Variants in ATE1 observed in about 807,000 individuals in gnomAD.
ATE1 encodes the protein arginyltransferase 1.
Under a neutral mutation model 70.5 loss-of-function variants are expected in ATE1, and 36 were observed. The observed-to-expected ratio is 0.51, with a 90% CI of 0.39 to 0.67. The LOEUF is 0.67. Among genes scored for constraint, ATE1 ranks in the 30% least tolerant of loss-of-function variants. ATE1 has a pLI of 0.00. For missense variants in ATE1, 593 were observed against 629.5 expected, an observed-to-expected ratio of 0.94 and a Z score of 0.62; for synonymous variants, 232 against 219.3, an observed-to-expected ratio of 1.06 and a Z score of -0.51.
At chr10:121,908,006 C>T (rs1951269730) in intron 5 of ATE1, among the ~76,000 whole-genome samples, 1 of 151,794 alleles carries the variant, frequency 6.6e-6, no homozygotes, top group African/African-American at 2.4e-5. Flanking sequence ...TAATATCATG[C>T]CAAATAGTAA....
intron 11 of ATE1, among the ~76,000 whole-genome samples, chr10:121,778,758 C>T (rs1241121314): frequency 3.3e-5 from 5 of 151,826 alleles, no homozygotes; most frequent in Admixed American, 3.3e-4. Flanking sequence ...CACACCACCA[C>T]GCCCGGCTAA....
chr10:121,907,700 T>C (rs180770917), intron 5 of ATE1, among the ~76,000 whole-genome samples: 2 of 149,224 alleles, frequency 1.3e-5, no homozygotes, highest in East Asian at 2.0e-4. Flanking sequence ...ACCCGGGAGG[T>C]AGAGCTTGCA....
chr10:121,763,750 A>T (rs1464591446), intron 11 of ATE1, among the ~76,000 whole-genome samples: 1 of 152,198 alleles, frequency 6.6e-6, no homozygotes, highest in Non-Finnish European at 1.5e-5. Flanking sequence ...GCAGTGGCTC[A>T]CACTTGTAAT....
chr10:121,852,922 G>A (rs780521693), intron 8 of ATE1, among the ~76,000 whole-genome samples: 11 of 152,158 alleles, frequency 7.2e-5, no homozygotes, highest in Non-Finnish European at 1.5e-4. Flanking sequence ...AAGTGCAACA[G>A]ATTCCTAATT....
intron 7 of ATE1, among the ~76,000 whole-genome samples, chr10:121,874,085 C>A (rs1392672618): frequency 6.6e-6 from 1 of 152,076 alleles, no homozygotes; most frequent in East Asian, 1.9e-4. Context: ...GGGGACAGGT[C>A]TGATTATTTT....
chr10:121,831,303 TTTG>T (rs1335060833), intron 10 of ATE1, among the ~76,000 whole-genome samples: 2 of 152,230 alleles, frequency 1.3e-5, no homozygotes, highest in Non-Finnish European at 2.9e-5. Flanking sequence ...GCTTCCAAAA[TTTG>T]TTATTTCTTG....
chr10:121,892,181 C>CT (rs144966705), intron 7 of ATE1, among the ~76,000 whole-genome samples: 2,384 of 152,270 alleles, frequency 0.016, 57 homozygotes, highest in African/African-American at 0.054. Context: ...AGTGCACTCT[C>CT]TATCTGTAGG....
At chr10:121,830,221 G>C (rs1948183191) in intron 10 of ATE1, among the ~76,000 whole-genome samples, 1 of 152,184 alleles carries the variant, frequency 6.6e-6, no homozygotes, top group African/African-American at 2.4e-5. Flanking sequence ...TCTGATTCCT[G>C]GTGTGGTAGT....
In ATE1 at chr10:121,742,607, C is replaced by T. The variant is rs1052724613; in HGVS notation, c.*1073G>A. ...CACCTTGACAGGTGGGCAAAGGACT[C>T]AGCAAAAGAAAGTGAGGGAAGGAGG... On this transcript the variant is annotated 3_prime_UTR_variant, in exon 12 of 12. Transcript: ENST00000224652. 1.3e-5 allele frequency: 2 copies of T among 152,300 alleles called. No homozygotes were observed. The highest frequency in any genetic ancestry group is 1.3e-4 in the Admixed American group (2 of 15,286). The allele number at this position is 152,300 out of a possible 1,614,324, so 9.4% of individuals were successfully genotyped here.
chr10:121,790,553 G>A (rs369368805), intron 10 of ATE1, among the ~76,000 whole-genome samples: 3 of 152,222 alleles, frequency 2.0e-5, no homozygotes, highest in African/African-American at 7.2e-5. Flanking sequence ...CTCCCTTTTG[G>A]AAGAAATATT....
rs1952174250 is a variant in ATE1, at chr10:121,927,978, C to T, written c.-29G>A. 12 of 1,481,442 alleles carry T rather than the reference C, an allele frequency of 8.1e-6. No individual in the cohort carries two copies. Among genetic ancestry groups the T allele is most frequent in the Non-Finnish European group, 9.9e-6 (11 of 1,113,730 alleles). The allele number at this position is 1,481,442 out of a possible 1,614,324, so 91.8% of individuals were successfully genotyped here. On this transcript the variant is annotated 5_prime_UTR_variant, in exon 1 of 12. Coordinates refer to ENST00000224652, the MANE Select transcript of ATE1 (RefSeq NM_001001976.3). Reference sequence around the variant, plus strand: ...CTCGGCCCCGCGAACGCTCAGCCGCCCGGCCCCGCGTCGCTAGCGCGGCCG... The same window carrying T: ...CTCGGCCCCGCGAACGCTCAGCCGCTCGGCCCCGCGTCGCTAGCGCGGCCG...
chr10:121,812,770 C>T (rs1947377857), intron 10 of ATE1, among the ~76,000 whole-genome samples: 1 of 152,154 alleles, frequency 6.6e-6, no homozygotes, highest in Admixed American at 6.6e-5. Context: ...GCTAAACATG[C>T]AAGCAGCAAG....
chr10:121,894,187 G>A (rs1167195610), intron 7 of ATE1, among the ~76,000 whole-genome samples: 1 of 148,192 alleles, frequency 6.7e-6, no homozygotes, highest in Non-Finnish European at 1.5e-5. Context: ...TGGACATATC[G>A]AGGAAATGGA....
At chr10:121,785,985 T>C (rs1313298044) in intron 11 of ATE1, among the ~76,000 whole-genome samples, 1 of 152,104 alleles carries the variant, frequency 6.6e-6, no homozygotes, top group Non-Finnish European at 1.5e-5. Flanking sequence ...AGTAGCCCCC[T>C]TGAAATGAAC....
chr10:121,766,380 C>T (rs1456638469), intron 11 of ATE1, among the ~76,000 whole-genome samples: 1 of 152,062 alleles, frequency 6.6e-6, no homozygotes, highest in Non-Finnish European at 1.5e-5. Flanking sequence ...CCTACTTTTC[C>T]CTATCCTCCC....
intron 7 of ATE1, among the ~76,000 whole-genome samples, chr10:121,892,499 CTT>C (rs34400277): frequency 0.022 from 2,701 of 125,510 alleles, 62 homozygotes; most frequent in African/African-American, 0.06. Context: ...GGTGACAAAA[CTT>C]TTTTTTTTTT....
At chr10:121,851,008 G>A (rs1293230317) in intron 8 of ATE1, among the ~76,000 whole-genome samples, 2 of 141,188 alleles carry the variant, frequency 1.4e-5, no homozygotes, top group African/African-American at 2.6e-5. Flanking sequence ...GGAGAATGGC[G>A]TGAACCTGGG....
intron 11 of ATE1, among the ~76,000 whole-genome samples, chr10:121,772,542 C>T (rs916469684): frequency 6.6e-6 from 1 of 152,170 alleles, no homozygotes; most frequent in African/African-American, 2.4e-5. Context: ...CAGACTTATT[C>T]GGAATGAAAG....
At chr10:121,876,966 CAAA>C (rs869058660) in intron 7 of ATE1, among the ~76,000 whole-genome samples, 1 of 91,666 alleles carries the variant, frequency 1.1e-5, no homozygotes. Context: ...ACTCCAGTCT[CAAA>C]AAAAAAAAAA....
Sources: allele counts gnomAD v4.1 joint callset (sites outside exome capture counted in the v4.1 genomes callset), GRCh38; gene constraint gnomAD v4.1.1; transcripts MANE v1.5; gene names NCBI Gene and HGNC (gene_info 2026-07-23, HGNC 2026-07-21).